Variants in SYNE1 observed in about 807,000 individuals in gnomAD.
The protein encoded by SYNE1 is nesprin-1.
Under a neutral mutation model 1,111.0 loss-of-function variants are expected in SYNE1, and 616 were observed. The observed-to-expected ratio is 0.55, with a 90% confidence interval of 0.52 to 0.59. The LOEUF (loss-of-function observed/expected upper bound fraction) is 0.59. Among genes scored for constraint, SYNE1 ranks in the 20% least tolerant of loss-of-function variants. The pLI, the probability that SYNE1 is intolerant of heterozygous loss-of-function variation, is 0.00. For synonymous variants in SYNE1, 3,855 were observed against 3,825.8 expected (o/e 1.01, Z -0.28); for missense variants, 10,006 against 10,417.0 (o/e 0.96, Z 1.72).
chr6:152,315,607 G>C (rs1353803343), intron 87 of SYNE1: 3 of 152,146 alleles, frequency 2.0e-5, no homozygotes, highest in African/African-American at 4.8e-5. Context: ...CCTTAAATAT[G>C]AACTTGAAAG....
In SYNE1 at chr6:152,334,285, C is replaced by T. The variant is rs367782368; in HGVS notation, c.12529-12G>A. 1.9e-4 allele frequency: 302 copies of T among 1,612,500 alleles called. No individual in the cohort carries two copies. The highest frequency in any genetic ancestry group is 1.5e-3 in the Middle Eastern group (9 of 6,058). On this transcript the variant is annotated splice_polypyrimidine_tract_variant and intron_variant, in intron 76 of 145. Transcript: ENST00000367255. ...TTCTTAACAAAATCCTAAAGGATAA[C>T]AGCAACAAAAAATATGTAATGTGTT... is the stretch of plus-strand genomic sequence containing the variant.
intron 3 of SYNE1, among the ~76,000 whole-genome samples, chr6:152,627,453 G>A (rs1332272527): frequency 4.0e-5 from 6 of 150,216 alleles, no homozygotes; most frequent in African/African-American, 1.5e-4. Context: ...AGGAGTTTGA[G>A]GCCAGCCGGG....
intron 125 of SYNE1, 96 bp downstream of exon 125, chr6:152,207,876 A>G (rs767639182): frequency 2.6e-6 from 3 of 1,139,650 alleles, no homozygotes; most frequent in Non-Finnish European, 4.0e-6. Flanking sequence ...CCCAGCTGCA[A>G]TGTCACTCTA....
intron 11 of SYNE1, among the ~76,000 whole-genome samples, chr6:152,492,616 C>A (rs1425016022): frequency 6.6e-6 from 1 of 152,206 alleles, no homozygotes; most frequent in Non-Finnish European, 1.5e-5. Flanking sequence ...ACTCCCAGAG[C>A]CCCTGGAACT....
In SYNE1 at chr6:152,369,470, CCTGGAG is replaced by C; in HGVS notation, c.9646_9651del (p.Leu3216_Gln3217del). 6.2e-7 allele frequency: 1 copy of C among 1,614,144 alleles called. No individual in the cohort carries two copies. The highest frequency in any genetic ancestry group is 8.5e-7 in the Non-Finnish European group (1 of 1,180,030). Reference sequence around the variant, plus strand: ...GGGCTACGGGGAGGCGGGCTCATCACCTGGAGCTTCTGCTGCTCCCTCCTCTTTGCT... The same window carrying C: ...GGGCTACGGGGAGGCGGGCTCATCACCTTCTGCTGCTCCCTCCTCTTTGCT... On this transcript the variant is annotated inframe_deletion and splice_region_variant, in exon 60 of 146. Coordinates refer to ENST00000367255, the MANE Select transcript of SYNE1 (RefSeq NM_182961.4).
In SYNE1 at chr6:152,259,159, AT is replaced by A. The variant is rs139873232; in HGVS notation, c.18973-2395del. 5.7e-3 allele frequency among the ~76,000 whole-genome samples: 872 copies of A among 152,284 alleles called. 8 individuals carry two copies. Among genetic ancestry groups the A allele is most frequent in the East Asian group, 0.02 (105 of 5,172 alleles). On this transcript the variant is annotated intron_variant, in intron 101 of 145. Transcript: ENST00000367255. ...GCAGCTGGGATATCCTCCACCCAGC[AT>A]CCCCTTAAAATCTACTACTTTAATT... is the stretch of plus-strand genomic sequence containing the variant.
At chr6:152,610,087 T>C (rs967130506) in intron 3 of SYNE1, among the ~76,000 whole-genome samples, 21 of 152,142 alleles carry the variant, frequency 1.4e-4, no homozygotes, top group Non-Finnish European at 2.6e-4. Context: ...GTGCCTCTTC[T>C]CCTCCAAAGG....
chr6:152,458,709 G>T, intron 22 of SYNE1, 48 bp downstream of exon 22: 1 of 1,594,826 alleles, frequency 6.3e-7, no homozygotes, highest in Non-Finnish European at 8.6e-7. Context: ...CCCTGGTCTT[G>T]TTACACATGC....
At position 152,208,122 on chromosome 6, in the gene SYNE1, A is replaced by C; in HGVS notation, c.22674T>G (p.Ile7558Met). ...IRRAQQRRGIIDSQIRQWQRY... is the reference protein window; with the variant it reads ...IRRAQQRRGIMDSQIRQWQRY... ...GCTGCCACTGGCGAATCTGGCTGTC[A>C]ATGATCCCCCGCCTCTGCTGGGCCC... Residue 7558 changes from isoleucine (I) to methionine (M), a missense_variant, in exon 125 of 146, where the codon ATT (isoleucine) becomes ATG (methionine). Around this residue, in one of 7 missense-constraint regions of SYNE1, gnomAD observed 2,182 missense variants for 2,287.8 expected, o/e 0.95. Transcript: ENST00000367255. 1 of 1,614,066 alleles carries C rather than the reference A, an allele frequency of 6.2e-7. No homozygotes were observed. The highest frequency in any genetic ancestry group is 8.5e-7 in the Non-Finnish European group (1 of 1,179,998).
intron 82 of SYNE1, among the ~76,000 whole-genome samples, chr6:152,323,134 C>T (rs1490084721): frequency 6.6e-6 from 1 of 152,138 alleles, no homozygotes; most frequent in Non-Finnish European, 1.5e-5. Flanking sequence ...ACCTACTTAT[C>T]CCAAGGCCAA....
In SYNE1 at chr6:152,387,351, A is replaced by T. The variant is rs1414966625; in HGVS notation, c.8208T>A (p.Asn2736Lys). 1.2e-6 allele frequency: 2 copies of T among 1,614,036 alleles called. No individual in the cohort carries two copies. The highest frequency in any genetic ancestry group is 1.7e-6 in the Non-Finnish European group (2 of 1,180,010). ...ACTGGTTTTTCCTCTCTACATAGTC[A>T]TTCCATTGGCTAATCACAGACTCTA... ...STLESVISQW[N>K]DYVERKNQLE... The change falls in exon 54 of 146, where the codon AAT (asparagine) becomes AAA (lysine). Residue 2736 changes from asparagine to lysine, a missense_variant. Around this residue, in one of 7 missense-constraint regions of SYNE1, gnomAD observed 4,955 missense variants for 5,017.2 expected, o/e 0.99. Coordinates refer to ENST00000367255, the MANE Select transcript of SYNE1 (RefSeq NM_182961.4).
intron 4 of SYNE1, 31 bp from the exon 5 acceptor site, chr6:152,526,206 AAT>A: frequency 1.9e-6 from 3 of 1,591,386 alleles, no homozygotes; most frequent in Non-Finnish European, 2.6e-6. Context: ...AAGTGCAGAA[AAT>A]ATCTCTTCCC....
chr6:152,155,109 G>A, intron 132 of SYNE1, 67 bp from the exon 133 acceptor site: 2 of 1,594,570 alleles, frequency 1.3e-6, no homozygotes, highest in Non-Finnish European at 1.7e-6. Context: ...AACCCGGTCT[G>A]CTGCCTGCGA....
Position 152,143,677 on chromosome 6 carries a change from G to T in SYNE1, c.25065C>A (p.Ile8355=). 6.2e-7 allele frequency: 1 copy of T among 1,614,216 alleles called. No individual in the cohort carries two copies. The highest frequency in any genetic ancestry group is 8.5e-7 in the Non-Finnish European group (1 of 1,180,038). The change falls in exon 138 of 146, where the codon ATC becomes ATA. Residue 8355 remains isoleucine (I), a synonymous_variant. Transcript: ENST00000367255. The part of the protein sequence containing the change: ...SRFQIQQTEN[I]IRSKTPTGPE... ...GCCCCGTGGGAGTTTTGCTGCGAAT[G>T]ATATTTTCGGTTTGCTGTATCTGAA...
rs957275834 is a variant in SYNE1 at position 152,603,890 on chromosome 6, A to G, written c.67+24375T>C. ...AGATATACTATCTATCTATACATGC[A>G]TGTATAGATAGATATACTATCTATA... On this transcript the variant is annotated intron_variant, in intron 3 of 145. Transcript: ENST00000367255. Among the ~76,000 whole-genome samples the G allele has an allele frequency of 1.0e-4, 15 of 146,968 alleles. 1 individual carries two copies. Among genetic ancestry groups the G allele is most frequent in the Admixed American group, 1.4e-4 (2 of 14,614 alleles).
intron 117 of SYNE1, 129 bp downstream of exon 117, chr6:152,224,365 A>T: frequency 1.1e-6 from 1 of 906,678 alleles, no homozygotes; most frequent in East Asian, 2.7e-5. Context: ...AATTAATTTT[A>T]AAGATCTTAA....
chr6:152,569,621 A>T (rs1028121541), intron 3 of SYNE1, among the ~76,000 whole-genome samples: 1 of 152,246 alleles, frequency 6.6e-6, no homozygotes, highest in Non-Finnish European at 1.5e-5. Context: ...AAAATGGGTC[A>T]TAAGCAGCTT....
chr6:152,239,855 T>C, intron 107 of SYNE1, 149 bp from the exon 108 acceptor site: 1 of 820,394 alleles, frequency 1.2e-6, no homozygotes, highest in South Asian at 1.5e-5. Flanking sequence ...GGTCAAGAGC[T>C]CAAGACCAGC....
At chr6:152,406,095 C>T (rs1025574111) in intron 45 of SYNE1, among the ~76,000 whole-genome samples, 3 of 152,076 alleles carry the variant, frequency 2.0e-5, no homozygotes, top group African/African-American at 7.2e-5. Context: ...ATCTTAGGTG[C>T]TCATTAAAAA....
Sources: gnomAD v4.1 joint callset for allele counts (sites outside exome capture counted in the v4.1 genomes callset) on GRCh38, gnomAD v4.1.1 for gene constraint, gnomAD v4.1.1 regional missense constraint, MANE v1.5 for transcripts, NCBI Gene and HGNC (gene_info 2026-07-23, HGNC 2026-07-21) for gene names.